ESRRG: variants seen among roughly 807,000 people sequenced by gnomAD.
The protein encoded by ESRRG is estrogen-related receptor gamma.
ESRRG carries 13 observed loss-of-function variants against 44.0 expected under a neutral mutation model. The ratio of observed to expected loss-of-function variants is 0.30; its 90% CI spans 0.19 to 0.47. ESRRG has a LOEUF of 0.47. Ranked by LOEUF, ESRRG falls within the 20% of genes least tolerant of loss-of-function variation. The pLI is 1.00. For missense variants in ESRRG, 395 were observed against 580.6 expected (o/e 0.68, Z 3.29); for synonymous variants, 215 against 214.6 (o/e 1.00, Z -0.02).
chr1:216,507,896 G>C (rs892940981), intron 6 of ESRRG, among the ~76,000 whole-genome samples: 6 of 152,142 alleles, frequency 3.9e-5, no homozygotes, highest in African/African-American at 1.4e-4. Context: ...ATTCAATCAA[G>C]CAAAGAAAGG....
At chr1:216,930,823 G>C (rs966007940) in intron 2 of ESRRG, among the ~76,000 whole-genome samples, 1 of 152,184 alleles carries the variant, frequency 6.6e-6, no homozygotes, top group African/African-American at 2.4e-5. Context: ...GCTTGTCAAA[G>C]AGTAATGGAG....
In ESRRG at chr1:216,781,709, C is replaced by T. The variant is rs17630657; in HGVS notation, c.-13-104218G>A. Among the ~76,000 whole-genome samples the T allele has an allele frequency of 5.7e-3, 864 of 152,098 alleles. 6 individuals are homozygous for T. Among genetic ancestry groups the T allele is most frequent in the Non-Finnish European group, 7.4e-3 (506 of 67,960 alleles). ...TCCTCTCTTCACTTCTGTCTCCTTT[C>T]GTGGTTACCTCAGAAAGCCAAGCAT... On this transcript the variant is annotated intron_variant, in intron 2 of 7. Transcript: ENST00000359162.
intron 1 of ESRRG, among the ~76,000 whole-genome samples, chr1:217,018,927 C>G (rs1442562602): frequency 6.6e-6 from 1 of 152,114 alleles, no homozygotes; most frequent in Non-Finnish European, 1.5e-5. Flanking sequence ...AATAGGCATC[C>G]CTGGTACAGC....
chr1:217,068,643 T>C (rs575982628), intron 1 of ESRRG, among the ~76,000 whole-genome samples: 6 of 152,298 alleles, frequency 3.9e-5, no homozygotes, highest in African/African-American at 1.4e-4. Flanking sequence ...TCATGTATTA[T>C]TAGAAGAAAT....
At position 216,905,963 on chromosome 1, in the gene ESRRG, C is replaced by T. The variant is rs1272342246; in HGVS notation, c.-14+33619G>A. ...ACAGGGTTTCACCATATTGGCCAGC[C>T]TGGTCTCAAATTTCTGACCTCAGGC... is the stretch of plus-strand genomic sequence containing the variant. On this transcript the variant is annotated intron_variant, in intron 2 of 7. Coordinates refer to the ESRRG transcript ENST00000359162. Among the ~76,000 whole-genome samples the T allele has an allele frequency of 2.0e-5, 3 of 152,168 alleles. No homozygotes were observed. The East Asian group carries it at 5.8e-4, about 29-fold the overall frequency.
chr1:216,607,448 G>A (rs1186800957), intron 3 of ESRRG, among the ~76,000 whole-genome samples: 4 of 152,164 alleles, frequency 2.6e-5, no homozygotes, highest in South Asian at 4.1e-4. Flanking sequence ...CAGAGTGGGC[G>A]CTTGCACGGC....
intron 2 of ESRRG, among the ~76,000 whole-genome samples, chr1:216,833,146 G>A (rs926398311): frequency 1.3e-5 from 2 of 151,998 alleles, no homozygotes; most frequent in Non-Finnish European, 2.9e-5. Flanking sequence ...AGCGTGTCAG[G>A]ATCCTTCACA....
At chr1:216,568,970 C>T (rs547943265) in intron 3 of ESRRG, among the ~76,000 whole-genome samples, 7 of 152,032 alleles carry the variant, frequency 4.6e-5, no homozygotes, top group African/African-American at 1.7e-4. Flanking sequence ...AGGAGAATCG[C>T]TTGAACCCGG....
chr1:216,890,693 C>T (rs1287341946), intron 2 of ESRRG, among the ~76,000 whole-genome samples: 2 of 152,156 alleles, frequency 1.3e-5, no homozygotes, highest in Non-Finnish European at 2.9e-5. Context: ...TCTCCATTGC[C>T]TAGATGGACA....
chr1:217,102,531 A>G (rs1044592329), intron 1 of ESRRG, among the ~76,000 whole-genome samples: 1 of 152,166 alleles, frequency 6.6e-6, no homozygotes, highest in Admixed American at 6.5e-5. Flanking sequence ...TGCCTGGGCT[A>G]ATGAAATTAC....
chr1:217,115,841 A>G (rs972527391), intron 1 of ESRRG, among the ~76,000 whole-genome samples: 4 of 152,110 alleles, frequency 2.6e-5, no homozygotes, highest in Non-Finnish European at 5.9e-5. Context: ...TCTCTTCACT[A>G]GAACATAAGC....
At chr1:217,005,523 T>C (rs990436522) in intron 1 of ESRRG, among the ~76,000 whole-genome samples, 1 of 152,190 alleles carries the variant, frequency 6.6e-6, no homozygotes, top group African/African-American at 2.4e-5. Flanking sequence ...AGGATAATGC[T>C]AAACAGATAG....
intron 5 of ESRRG, among the ~76,000 whole-genome samples, chr1:216,528,234 C>T (rs1440085927): frequency 6.6e-6 from 1 of 152,136 alleles, no homozygotes; most frequent in African/African-American, 2.4e-5. Context: ...TCGTATAATG[C>T]TCTTTTCTTA....
At chr1:216,767,153 C>T (rs1317038079) in intron 2 of ESRRG, among the ~76,000 whole-genome samples, 1 of 151,976 alleles carries the variant, frequency 6.6e-6, no homozygotes. Flanking sequence ...TTTTATTTGT[C>T]TCATCATGCT....
At chr1:216,556,684 C>T (rs911129971) in intron 5 of ESRRG, among the ~76,000 whole-genome samples, 9 of 152,124 alleles carry the variant, frequency 5.9e-5, no homozygotes, top group African/African-American at 2.2e-4. Context: ...ACATCTTCTT[C>T]CCATGCTCCC....
At chr1:217,099,367 T>C (rs538743516) in intron 1 of ESRRG, among the ~76,000 whole-genome samples, 5 of 126,088 alleles carry the variant, frequency 4.0e-5, no homozygotes, top group South Asian at 3.0e-4. Context: ...ATTAGACCTG[T>C]GAGCAGAGCA....
intron 2 of ESRRG, among the ~76,000 whole-genome samples, chr1:216,658,143 C>T (rs1438980953): frequency 1.3e-5 from 2 of 152,116 alleles, no homozygotes; most frequent in Non-Finnish European, 2.9e-5. Context: ...GGGAGAGTCA[C>T]CAAGGCTGCA....
chr1:216,512,602 G>A (rs1189890354), intron 6 of ESRRG, among the ~76,000 whole-genome samples: 1 of 152,072 alleles, frequency 6.6e-6, no homozygotes, highest in Non-Finnish European at 1.5e-5. Context: ...GGAAGGGAAG[G>A]GGCTGAGATA....
chr1:216,874,966 G>T (rs1018061714), intron 2 of ESRRG, among the ~76,000 whole-genome samples: 5 of 152,072 alleles, frequency 3.3e-5, no homozygotes, highest in Non-Finnish European at 7.4e-5. Context: ...GGGGCTCTTG[G>T]GCCTTTGACC....
Sources: allele counts gnomAD v4.1 joint callset (sites outside exome capture counted in the v4.1 genomes callset), GRCh38; gene constraint gnomAD v4.1.1; transcripts MANE v1.5; gene names NCBI Gene and HGNC (gene_info 2026-07-23, HGNC 2026-07-21).